The following TUT7 variants were observed in gnomAD, a reference collection of about 807,000 sequenced individuals.
The protein encoded by TUT7 is terminal uridylyltransferase 7.
In TUT7, 33 loss-of-function variants were observed where a neutral mutation model predicts 165.9. The ratio of observed to expected loss-of-function variants is 0.20; its 90% CI spans 0.15 to 0.27. The LOEUF is 0.27. TUT7 is among the 10% of genes least tolerant of loss of function. The pLI is 1.00. For synonymous variants in TUT7, 552 were observed against 608.1 expected (o/e 0.91, Z 1.36); for missense variants, 1,338 against 1,762.3 (o/e 0.76, Z 4.31).
At chr9:86,321,090 C>T (rs544683692) in intron 14 of TUT7, among the ~76,000 whole-genome samples, 15 of 152,050 alleles carry the variant, frequency 9.9e-5, no homozygotes, top group African/African-American at 2.2e-4. Flanking sequence ...CGGTGGCTCA[C>T]GCCTGTAATC....
At chr9:86,303,512 G>C (rs919372251) in intron 24 of TUT7, among the ~76,000 whole-genome samples, 1 of 152,260 alleles carries the variant, frequency 6.6e-6, no homozygotes, top group Non-Finnish European at 1.5e-5. Flanking sequence ...GGAGGGAGTT[G>C]AGGCCAGGTA....
intron 9 of TUT7, 29 bp from the exon 10 acceptor site, chr9:86,337,567 A>G: frequency 6.3e-7 from 1 of 1,582,546 alleles, no homozygotes; most frequent in Non-Finnish European, 8.6e-7. Flanking sequence ...AAAGTTAAGC[A>G]TTCTTTTTGT....
intron 8 of TUT7, among the ~76,000 whole-genome samples, chr9:86,339,218 A>G: frequency 6.6e-6 from 1 of 152,166 alleles, no homozygotes; most frequent in Non-Finnish European, 1.5e-5. Context: ...GGAAATGCAA[A>G]TAAGGAAAAT....
chr9:86,310,065 G>T, intron 18 of TUT7, 48 bp from the exon 19 acceptor site: 1 of 1,436,970 alleles, frequency 7.0e-7, no homozygotes, highest in Non-Finnish European at 9.3e-7. Context: ...AAGTGTAAAG[G>T]GTCTCTTTTT....
At position 86,323,935 on chromosome 9, in the gene TUT7, C is replaced by T. The variant is rs1252211152; in HGVS notation, c.1815G>A (p.Val605=). The part of the protein sequence containing the change: ...IEDPYSVKRN[V]ARTLNSQPVF... ...CAGGTTGACTATTTAGGGTTCTTGC[C>T]ACATTTCTTTTAACAGAGTAGGGAT... Residue 605 remains valine, a synonymous_variant, in exon 13 of 27, where the codon GTG becomes GTA. Transcript: ENST00000375963. 5 of 1,594,080 alleles carry T rather than the reference C, an allele frequency of 3.1e-6. No homozygotes were observed. Among genetic ancestry groups the T allele is most frequent in the Non-Finnish European group, 4.3e-6 (5 of 1,169,046 alleles).
At position 86,309,990 on chromosome 9, in the gene TUT7, C is replaced by A. The variant is rs377377386; in HGVS notation, c.3406G>T (p.Ala1136Ser). The change falls in exon 19 of 27, where the codon GCT becomes TCT. Residue 1136 changes from alanine to serine, a missense_variant. By Grantham distance (99) the Ala-to-Ser change is moderately conservative. This residue lies in a region of TUT7 where 157 missense variants were observed against 357.5 expected (regional missense o/e 0.44). Coordinates refer to ENST00000375963, the MANE Select transcript of TUT7 (RefSeq NM_024617.4). Reference sequence around the variant, plus strand: ...ACTCTGGGATCAATGGCGGAATAAGCAGATAAAAGCCTTGTGTTATGAAGG... The same window carrying A: ...ACTCTGGGATCAATGGCGGAATAAGAAGATAAAAGCCTTGTGTTATGAAGG... ...LALHNTRLLS[A>S]YSAIDPRVKY... The A allele has an allele frequency of 6.2e-7, 1 of 1,613,296 alleles. No homozygotes were observed. The highest frequency in any genetic ancestry group is 8.5e-7 in the Non-Finnish European group (1 of 1,179,634).
Position 86,324,019 on chromosome 9 carries a change from T to C in TUT7, c.1790-59A>G. The C allele has an allele frequency of 3.0e-6, 4 of 1,317,902 alleles. No individual in the cohort carries two copies. In the South Asian group the frequency reaches 7.9e-5, roughly 26 times the overall value. 81.6% of individuals were successfully genotyped at this position (1,317,902 alleles called of 1,614,324 possible). A position where few individuals can be genotyped will look rare whatever the true frequency, so the allele number is the denominator to read the frequency against. On this transcript the variant is annotated intron_variant, in intron 12 of 26. Transcript: ENST00000375963. ...TCTCTTCATATGTTACTATATTTCATGTTTTAAAAATTAGCCTGCTGCAGA... is the reference window on the plus strand; with the variant it reads ...TCTCTTCATATGTTACTATATTTCACGTTTTAAAAATTAGCCTGCTGCAGA...
chr9:86,306,368 C>T (rs1827483780), intron 22 of TUT7, among the ~76,000 whole-genome samples: 1 of 152,176 alleles, frequency 6.6e-6, no homozygotes, highest in East Asian at 1.9e-4. Flanking sequence ...TTCAGCTCAA[C>T]CCTGCAGTAA....
At chr9:86,299,258 C>T (rs1471442517) in intron 26 of TUT7, among the ~76,000 whole-genome samples, 1 of 152,176 alleles carries the variant, frequency 6.6e-6, no homozygotes, top group Non-Finnish European at 1.5e-5. Context: ...AACATACAAT[C>T]TGATTTAGAC....
chr9:86,347,214 C>T (rs946708295), intron 2 of TUT7, among the ~76,000 whole-genome samples: 1 of 152,102 alleles, frequency 6.6e-6, no homozygotes, highest in South Asian at 2.1e-4. Context: ...GCCATTGAAA[C>T]AAAAGTTTTC....
chr9:86,325,481 A>G lies in TUT7; in HGVS notation c.1642T>C (p.Ser548Pro), dbSNP rs766356764. ...ACCCAGAGCTGCCCAACTGGTACTG[A>G]AGGCTGGTGTTTCACATCCAATATT... is the stretch of plus-strand genomic sequence containing the variant. ...SLILDVKHQP[S>P]VPVGQLWVEL... Residue 548 changes from serine (S) to proline (P), a missense_variant, in exon 12 of 27, where the codon TCA (serine) becomes CCA (proline). Coordinates refer to ENST00000375963, the MANE Select transcript of TUT7 (RefSeq NM_024617.4). The G allele has an allele frequency of 1.2e-6, 2 of 1,613,886 alleles. No individual in the cohort carries two copies. The highest frequency in any genetic ancestry group is 1.7e-6 in the Non-Finnish European group (2 of 1,179,934).
At chr9:86,337,783 G>A in intron 9 of TUT7, among the ~76,000 whole-genome samples, 1 of 152,230 alleles carries the variant, frequency 6.6e-6, no homozygotes. Flanking sequence ...CTTGTGGATG[G>A]CCCTAAAATA....
At chr9:86,322,175 A>G (rs1829366417) in intron 14 of TUT7, 150 bp downstream of exon 14, 2 of 643,060 alleles carry the variant, frequency 3.1e-6, no homozygotes, top group East Asian at 2.8e-5. Context: ...CAGAACAGAC[A>G]TGACATGGAA....
chr9:86,300,994 A>G (rs1826836486), intron 26 of TUT7, among the ~76,000 whole-genome samples: 1 of 152,232 alleles, frequency 6.6e-6, no homozygotes, highest in African/African-American at 2.4e-5. Context: ...CACTGAGGCT[A>G]CATGTGCAGG....
chr9:86,349,712 T>C lies in TUT7; in HGVS notation c.520+2968A>G, dbSNP rs559907614. Among the ~76,000 whole-genome samples the C allele has an allele frequency of 9.8e-5, 15 of 152,294 alleles. No homozygotes were observed. In the East Asian group the frequency reaches 2.7e-3, roughly 27 times the overall value. On this transcript the variant is annotated intron_variant, in intron 2 of 26. Coordinates refer to ENST00000375963, the MANE Select transcript of TUT7 (RefSeq NM_024617.4). The stretch of plus-strand genomic sequence containing the variant: ...TTTTTAGTTTATACTTTCAGTTGAA[T>C]CTCTCTAAACTAAATAATGTTATAC...
chr9:86,344,191 G>C (rs1331852390), intron 5 of TUT7, among the ~76,000 whole-genome samples: 4 of 152,152 alleles, frequency 2.6e-5, no homozygotes, highest in Admixed American at 6.5e-5. Flanking sequence ...AGAATCACTT[G>C]TCGAGCTTTG....
intron 3 of TUT7, 118 bp from the exon 4 acceptor site, chr9:86,345,903 T>A (rs958428273): frequency 2.7e-6 from 2 of 747,030 alleles, no homozygotes; most frequent in Non-Finnish European, 4.4e-6. Context: ...GAGACAGGAG[T>A]CTCACTATGT....
intron 14 of TUT7, among the ~76,000 whole-genome samples, chr9:86,321,115 G>A (rs1170766269): frequency 1.3e-5 from 2 of 152,000 alleles, no homozygotes; most frequent in African/African-American, 4.8e-5. Context: ...CACTTTGGGA[G>A]GTCAAGGCGA....
In TUT7 at chr9:86,323,148, C is replaced by T. The variant is rs1258795873; in HGVS notation, c.2602G>A (p.Glu868Lys). The T allele has an allele frequency of 6.2e-7, 1 of 1,614,038 alleles. No individual in the cohort carries two copies. Among genetic ancestry groups the T allele is most frequent in the Admixed American group, 1.7e-5 (1 of 59,994 alleles). The change falls in exon 13 of 27, where the codon GAA becomes AAA. Residue 868 changes from glutamate to lysine, a missense_variant. Physicochemically the swap from Glu to Lys is moderately conservative, Grantham distance 56. Coordinates refer to ENST00000375963, the MANE Select transcript of TUT7 (RefSeq NM_024617.4). ...EEPRLTINQR[E>K]DEDGMANEDE... ...TCATTAGCCATGCCATCTTCATCTT[C>T]CCTTTGGTTAATGGTGAGCCTAGGT...
Sources: gnomAD v4.1 joint callset for allele counts (sites outside exome capture counted in the v4.1 genomes callset) on GRCh38, gnomAD v4.1.1 for gene constraint, gnomAD v4.1.1 regional missense constraint, MANE v1.5 for transcripts, NCBI Gene and HGNC (gene_info 2026-07-23, HGNC 2026-07-21) for gene names.